Variants in ARHGAP32 observed in about 807,000 individuals in gnomAD.
ARHGAP32 encodes rho GTPase-activating protein 32.
ARHGAP32 carries 51 observed loss-of-function variants against 186.5 expected under a neutral mutation model. The ratio of observed to expected loss-of-function variants is 0.27; its 90% CI spans 0.22 to 0.35. The LOEUF (loss-of-function observed/expected upper bound fraction) is 0.35. Ranked by LOEUF, ARHGAP32 falls within the 10% of genes least tolerant of loss-of-function variation. ARHGAP32 has a pLI of 1.00. For synonymous variants in ARHGAP32, 950 were observed against 964.3 expected, an observed-to-expected ratio of 0.99 and a Z score of 0.27; for missense variants, 2,186 against 2,623.5, an observed-to-expected ratio of 0.83 and a Z score of 3.64.
At chr11:129,271,576 C>G (rs149388971) in intron 1 of ARHGAP32, among the ~76,000 whole-genome samples, 1 of 151,848 alleles carries the variant, frequency 6.6e-6, no homozygotes, top group African/African-American at 2.4e-5. Context: ...GAGTCTAGAG[C>G]GCAAGGGGGA....
chr11:129,193,360 T>C, upstream of ARHGAP32, among the ~76,000 whole-genome samples: 1 of 111,644 alleles, frequency 9.0e-6, no homozygotes, highest in Non-Finnish European at 1.7e-5. Flanking sequence ...GTGCACCCTG[T>C]AGTCCCAGCT....
At chr11:129,274,601 T>C (rs1335648140) in intron 1 of ARHGAP32, among the ~76,000 whole-genome samples, 1 of 152,166 alleles carries the variant, frequency 6.6e-6, no homozygotes, top group Non-Finnish European at 1.5e-5. Flanking sequence ...CCTTTTTTAT[T>C]TGCTCACTCT....
chr11:129,020,172 T>C (rs1938534515), intron 11 of ARHGAP32, among the ~76,000 whole-genome samples: 1 of 152,026 alleles, frequency 6.6e-6, no homozygotes. Context: ...ATTTAAAACG[T>C]CATTGGAGAA....
At chr11:129,152,571 A>T (rs1270562108) in intron 2 of ARHGAP32, among the ~76,000 whole-genome samples, 1 of 152,168 alleles carries the variant, frequency 6.6e-6, no homozygotes, top group East Asian at 1.9e-4. Flanking sequence ...GAATGCACAG[A>T]TGGTTGAACA....
chr11:128,992,874 T>C (rs1172434541), intron 12 of ARHGAP32, among the ~76,000 whole-genome samples: 1 of 152,236 alleles, frequency 6.6e-6, no homozygotes. Flanking sequence ...GGCAGATTTT[T>C]ATTTACTTCT....
chr11:129,217,785 A>C (rs1466295263), intron 1 of ARHGAP32, among the ~76,000 whole-genome samples: 3 of 152,228 alleles, frequency 2.0e-5, no homozygotes, highest in Admixed American at 2.0e-4. Flanking sequence ...AAAGAAATAG[A>C]CATATACACG....
chr11:128,972,027 T>C (rs1054896322), intron 22 of ARHGAP32: 15 of 153,284 alleles, frequency 9.8e-5, no homozygotes, highest in African/African-American at 3.6e-4. Flanking sequence ...GAATGAAGTA[T>C]TTTCATTGTG....
At chr11:129,203,317 G>A (rs1314292874) in intron 1 of ARHGAP32, among the ~76,000 whole-genome samples, 1 of 152,120 alleles carries the variant, frequency 6.6e-6, no homozygotes, top group Non-Finnish European at 1.5e-5. Context: ...AATAAAATCT[G>A]AGGCAAGTGA....
chr11:129,100,842 C>A (rs1462666772), intron 5 of ARHGAP32, among the ~76,000 whole-genome samples: 1 of 152,208 alleles, frequency 6.6e-6, no homozygotes, highest in Non-Finnish European at 1.5e-5. Context: ...CCTCCACCCA[C>A]CACCCAGCTG....
intron 2 of ARHGAP32, among the ~76,000 whole-genome samples, chr11:129,132,581 C>T (rs1942836690): frequency 6.6e-6 from 1 of 152,000 alleles, no homozygotes; most frequent in Non-Finnish European, 1.5e-5. Context: ...CAATCTGAAC[C>T]CAGCCAGGCT....
At chr11:129,118,741 C>T (rs1270423431) in intron 5 of ARHGAP32, among the ~76,000 whole-genome samples, 1 of 151,890 alleles carries the variant, frequency 6.6e-6, no homozygotes, top group African/African-American at 2.4e-5. Flanking sequence ...TATTCCAGTG[C>T]ATTTATTTAA....
intron 1 of ARHGAP32, among the ~76,000 whole-genome samples, chr11:129,266,524 C>G (rs1047124444): frequency 2.6e-5 from 4 of 152,148 alleles, no homozygotes; most frequent in African/African-American, 9.7e-5. Context: ...ATTTCTGGCC[C>G]ATCTGTAACA....
chr11:129,229,219 C>T (rs1165044775), intron 1 of ARHGAP32, among the ~76,000 whole-genome samples: 1 of 152,086 alleles, frequency 6.6e-6, no homozygotes, highest in Non-Finnish European at 1.5e-5. Context: ...TATTGCAAAA[C>T]ATTAGTCTTC....
At chr11:129,255,051 C>T (rs1056641960) in intron 1 of ARHGAP32, among the ~76,000 whole-genome samples, 8 of 152,058 alleles carry the variant, frequency 5.3e-5, no homozygotes, top group African/African-American at 1.9e-4. Flanking sequence ...ATTAACTCCA[C>T]CTAACCAGTT....
chr11:129,092,681 T>C (rs1487450971), intron 6 of ARHGAP32, among the ~76,000 whole-genome samples: 1 of 152,036 alleles, frequency 6.6e-6, no homozygotes, highest in Non-Finnish European at 1.5e-5. Flanking sequence ...TTAATTCTGG[T>C]AAGTTTTCCT....
At chr11:129,034,372 A>C (rs1565387008) in intron 11 of ARHGAP32, among the ~76,000 whole-genome samples, 1 of 152,164 alleles carries the variant, frequency 6.6e-6, no homozygotes, top group Non-Finnish European at 1.5e-5. Context: ...AACTGTCCTC[A>C]GAGGGAAGGT....
chr11:129,009,829 T>C (rs193003546), intron 11 of ARHGAP32, among the ~76,000 whole-genome samples: 1 of 152,332 alleles, frequency 6.6e-6, no homozygotes, highest in East Asian at 1.9e-4. Flanking sequence ...CAGAATGATT[T>C]ACATTTGTTT....
chr11:129,277,216 G>A (rs887091127), intron 1 of ARHGAP32, among the ~76,000 whole-genome samples: 1 of 151,874 alleles, frequency 6.6e-6, no homozygotes, highest in Admixed American at 6.6e-5. Flanking sequence ...TAAAAACATC[G>A]TTTATATAGC....
chr11:129,078,592 A>G (rs1408183410), intron 6 of ARHGAP32, among the ~76,000 whole-genome samples: 1 of 152,148 alleles, frequency 6.6e-6, no homozygotes, highest in Non-Finnish European at 1.5e-5. Flanking sequence ...TCCTGGGTCC[A>G]AGTGATTCTC....
Sources: gnomAD v4.1 joint callset for allele counts (sites outside exome capture counted in the v4.1 genomes callset) on GRCh38, gnomAD v4.1.1 for gene constraint, MANE v1.5 for transcripts, NCBI Gene and HGNC (gene_info 2026-07-23, HGNC 2026-07-21) for gene names.